The following KCND3 variants were observed in gnomAD, a reference collection of about 807,000 sequenced individuals.
The protein encoded by KCND3 is A-type voltage-gated potassium channel KCND3.
In KCND3, 9 loss-of-function variants were observed where a neutral mutation model predicts 51.1. The observed-to-expected ratio is 0.18, with a 90% CI of 0.11 to 0.31. The LOEUF (loss-of-function observed/expected upper bound fraction) is 0.31, where lower values mean the gene tolerates loss of function less well. Among genes scored for constraint, KCND3 ranks in the 10% least tolerant of loss-of-function variants. The pLI is 1.00. For missense variants in KCND3, 526 were observed against 903.8 expected (o/e 0.58, Z 5.36); for synonymous variants, 349 against 368.0 (o/e 0.95, Z 0.59).
At chr1:111,850,166 C>A (rs866928533) in intron 2 of KCND3, among the ~76,000 whole-genome samples, 10 of 152,168 alleles carry the variant, frequency 6.6e-5, no homozygotes. Flanking sequence ...CCAATCCCTG[C>A]CCAAAAATGT....
chr1:111,895,368 A>G lies in KCND3; in HGVS notation c.1106+86253T>C, dbSNP rs544141009. On this transcript the variant is annotated intron_variant, in intron 2 of 7. Coordinates refer to ENST00000302127, the MANE Select transcript of KCND3 (RefSeq NM_001378969.1). ...GCATTTTACATGGCCTTGGCCTCACAGAGCAAAGTGCACACCAAATGGGGA... is the reference window on the plus strand; with the variant it reads ...GCATTTTACATGGCCTTGGCCTCACGGAGCAAAGTGCACACCAAATGGGGA... Among the ~76,000 whole-genome samples, 12 of 152,348 alleles carry G rather than the reference A, an allele frequency of 7.9e-5. No individual in the cohort carries two copies. In the South Asian group the frequency reaches 1.7e-3, roughly 21 times the overall value.
In KCND3 at chr1:111,932,227, C is replaced by T. The variant is rs144363285; in HGVS notation, c.1106+49394G>A. On this transcript the variant is annotated intron_variant, in intron 2 of 7. Coordinates refer to ENST00000302127, the MANE Select transcript of KCND3 (RefSeq NM_001378969.1). Reference sequence around the variant, plus strand: ...CTAGCAACCTTAATACCACCTGCTGCCTTAATTACCCTATGTCAGAAAAGG... The same window carrying T: ...CTAGCAACCTTAATACCACCTGCTGTCTTAATTACCCTATGTCAGAAAAGG... Among the ~76,000 whole-genome samples, 120 of 152,266 alleles carry T rather than the reference C, an allele frequency of 7.9e-4. 1 individual carries two copies. Among genetic ancestry groups the T allele is most frequent in the African/African-American group, 2.9e-3 (119 of 41,558 alleles).
chr1:111,923,296 G>A (rs1407999610), intron 2 of KCND3, among the ~76,000 whole-genome samples: 6 of 152,154 alleles, frequency 3.9e-5, no homozygotes, highest in Admixed American at 6.5e-5. Flanking sequence ...CATCAGACAC[G>A]ACCAGAGGTG....
At chr1:111,809,459 C>A (rs1462144198) in intron 2 of KCND3, among the ~76,000 whole-genome samples, 1 of 152,042 alleles carries the variant, frequency 6.6e-6, no homozygotes, top group East Asian at 1.9e-4. Context: ...CAGGCGCCCA[C>A]CACCACACCC....
chr1:111,888,267 G>C (rs1272163680), intron 2 of KCND3, among the ~76,000 whole-genome samples: 1 of 152,256 alleles, frequency 6.6e-6, no homozygotes, highest in Admixed American at 6.5e-5. Context: ...AATTACAAGA[G>C]AGGGAGAGAA....
chr1:111,865,208 TACTTGCTTTC>T (rs1668505146), intron 2 of KCND3, among the ~76,000 whole-genome samples: 1 of 152,268 alleles, frequency 6.6e-6, no homozygotes, highest in African/African-American at 2.4e-5. Flanking sequence ...GATATACTGC[TACTTGCTTTC>T]ACACATAGTC....
chr1:111,895,342 T>C (rs894849), intron 2 of KCND3, among the ~76,000 whole-genome samples: 91,994 of 151,514 alleles, frequency 0.61, 28,432 homozygotes, highest in East Asian at 0.86. Context: ...AAAAACGTCA[T>C]GCATTTTACA....
intron 2 of KCND3, among the ~76,000 whole-genome samples, chr1:111,827,748 T>C (rs1557962161): frequency 6.6e-6 from 1 of 152,180 alleles, no homozygotes; most frequent in Non-Finnish European, 1.5e-5. Context: ...TTATCTTCAC[T>C]TTGCTCTCTG....
intron 2 of KCND3, among the ~76,000 whole-genome samples, chr1:111,834,617 T>C (rs924492986): frequency 6.6e-5 from 10 of 152,208 alleles, no homozygotes; most frequent in Non-Finnish European, 1.0e-4. Flanking sequence ...TTTGAACTTT[T>C]GCAATAATGA....
intron 2 of KCND3, among the ~76,000 whole-genome samples, chr1:111,882,042 T>C (rs1268275557): frequency 6.6e-6 from 1 of 152,066 alleles, no homozygotes; most frequent in Non-Finnish European, 1.5e-5. Flanking sequence ...CCAGCAGCTG[T>C]AGAGGGAGGC....
intron 2 of KCND3, among the ~76,000 whole-genome samples, chr1:111,898,740 C>G (rs888935281): frequency 6.6e-6 from 1 of 152,122 alleles, no homozygotes; most frequent in Non-Finnish European, 1.5e-5. Flanking sequence ...AGAGGGGAAA[C>G]AGCAGAGACC....
intron 2 of KCND3, among the ~76,000 whole-genome samples, chr1:111,845,870 T>C (rs1341782458): frequency 6.6e-6 from 1 of 152,124 alleles, no homozygotes; most frequent in Non-Finnish European, 1.5e-5. Context: ...GTAACAATTC[T>C]GTGGATTCTC....
Position 111,908,204 on chromosome 1 carries a change from A to C in KCND3, c.1106+73417T>G, listed in dbSNP as rs114186136. Among the ~76,000 whole-genome samples, 761 of 152,352 alleles carry C rather than the reference A, an allele frequency of 5.0e-3. 4 individuals are homozygous for C. The highest frequency in any genetic ancestry group is 7.5e-3 in the Non-Finnish European group (512 of 68,038). On this transcript the variant is annotated intron_variant, in intron 2 of 7. Transcript: ENST00000302127. ...TATTTAGCACCTATCATATGTCTGG[A>C]AAGCAGCTGGGCACTTTTCCATGCA... is the stretch of plus-strand genomic sequence containing the variant.
intron 2 of KCND3, among the ~76,000 whole-genome samples, chr1:111,907,929 C>A (rs1023164914): frequency 6.6e-6 from 1 of 151,976 alleles, no homozygotes; most frequent in African/African-American, 2.4e-5. Flanking sequence ...GAACACACTG[C>A]CTGTCTTAGT....
Position 111,982,481 on chromosome 1 carries a change from G to A in KCND3, c.246C>T (p.Tyr82=). ...EFFFNEDTKE[Y]FFDRDPEVFR... ...ACACCTCGGGGTCCCGGTCGAAGAA[G>A]TACTCCTTGGTGTCCTCGTTGAAGA... Residue 82 remains tyrosine (Y), a synonymous_variant, in exon 2 of 8, where the codon TAC becomes TAT. Transcript: ENST00000302127. The surrounding 1 kb of genome is among the most constrained non-coding windows in gnomAD (Gnocchi z 8.5). 1 of 1,610,788 alleles carries A rather than the reference G, an allele frequency of 6.2e-7. No homozygotes were observed. The highest frequency in any genetic ancestry group is 8.5e-7 in the Non-Finnish European group (1 of 1,177,458).
intron 2 of KCND3, among the ~76,000 whole-genome samples, chr1:111,904,718 C>T (rs751906171): frequency 3.2e-4 from 49 of 152,284 alleles, no homozygotes; most frequent in Admixed American, 5.2e-4. Context: ...GCGTGACAGC[C>T]GCCCCTGCTT....
At chr1:111,828,766 A>G (rs1452146405) in intron 2 of KCND3, among the ~76,000 whole-genome samples, 3 of 152,240 alleles carry the variant, frequency 2.0e-5, no homozygotes, top group African/African-American at 4.8e-5. Flanking sequence ...TGCTGTTGCC[A>G]CCGTCCATTA....
chr1:111,956,718 G>C (rs1673361854), intron 2 of KCND3, among the ~76,000 whole-genome samples: 1 of 152,164 alleles, frequency 6.6e-6, no homozygotes, highest in Non-Finnish European at 1.5e-5. Context: ...GGCTTCCCCA[G>C]AGAAAAGCAG....
At chr1:111,784,834 G>T in intron 3 of KCND3, among the ~76,000 whole-genome samples, 1 of 151,900 alleles carries the variant, frequency 6.6e-6, no homozygotes, top group Non-Finnish European at 1.5e-5. Context: ...GAGGGAAAGG[G>T]TCAGGGTGGG....
Sources: gnomAD v4.1 joint callset for allele counts (sites outside exome capture counted in the v4.1 genomes callset) on GRCh38, gnomAD v4.1.1 for gene constraint, Gnocchi (gnomAD v3.1) non-coding constraint, MANE v1.5 for transcripts, NCBI Gene and HGNC (gene_info 2026-07-23, HGNC 2026-07-21) for gene names.